The following DNAAF11 variants were observed in gnomAD, a reference collection of about 807,000 sequenced individuals.
DNAAF11 encodes the protein leucine rich repeat containing 6.
Under a neutral mutation model 60.8 loss-of-function variants are expected in DNAAF11, and 45 were observed. That is an observed-to-expected ratio of 0.74 (90% confidence interval 0.58 to 0.95). DNAAF11 has a LOEUF of 0.95. Ranked by LOEUF, DNAAF11 falls within the 40% of genes least tolerant of loss-of-function variation. The probability of loss-of-function intolerance (pLI) is 0.00; values close to 1 mark genes in which losing one functional copy is unlikely to be tolerated. For synonymous variants in DNAAF11, 191 were observed against 183.5 expected (o/e 1.04, Z -0.33); for missense variants, 546 against 546.2 (o/e 1.00, Z 0.00).
chr8:132,694,933 A>G, the DNAAF11 span, among the ~76,000 whole-genome samples: 1 of 152,210 alleles, frequency 6.6e-6, no homozygotes, highest in Non-Finnish European at 1.5e-5. Flanking sequence ...CATGTGGAAG[A>G]ATTACCAAAA....
intron 3 of DNAAF11, among the ~76,000 whole-genome samples, chr8:132,647,528 G>C (rs887588629): frequency 6.6e-6 from 1 of 152,138 alleles, no homozygotes; most frequent in African/African-American, 2.4e-5. Context: ...AGAACTGAAG[G>C]AGACAGAAAC....
intron 11 of DNAAF11, among the ~76,000 whole-genome samples, chr8:132,582,344 C>T (rs76804637): frequency 6.6e-6 from 1 of 152,176 alleles, no homozygotes; most frequent in African/African-American, 2.4e-5. Context: ...TATGAAGAAT[C>T]GTGCTAAGAC....
chr8:132,646,388 A>T (rs1175391169), intron 3 of DNAAF11, among the ~76,000 whole-genome samples: 1 of 152,224 alleles, frequency 6.6e-6, no homozygotes, highest in Admixed American at 6.5e-5. Context: ...AAACATGCCA[A>T]ATTTTAAAGA....
chr8:132,583,607 T>A, intron 11 of DNAAF11, 87 bp downstream of exon 11: 1 of 988,488 alleles, frequency 1.0e-6, no homozygotes, highest in Non-Finnish European at 1.6e-6. Context: ...TAAATAATTG[T>A]ACAATTTTGG....
intron 6 of DNAAF11, among the ~76,000 whole-genome samples, chr8:132,624,353 G>C (rs1357310415): frequency 1.3e-5 from 2 of 152,264 alleles, no homozygotes; most frequent in East Asian, 3.9e-4. Flanking sequence ...GAGGGTAATA[G>C]TGGAGTCAAG....
At chr8:132,609,318 T>C (rs1352778507) in intron 10 of DNAAF11, among the ~76,000 whole-genome samples, 1 of 151,434 alleles carries the variant, frequency 6.6e-6, no homozygotes, top group Non-Finnish European at 1.5e-5. Context: ...GTTATGTAAG[T>C]AGTTATTATA....
At chr8:132,669,940 C>CAAA (rs35402875) in intron 1 of DNAAF11, among the ~76,000 whole-genome samples, 70 of 69,672 alleles carry the variant, frequency 1.0e-3, no homozygotes, top group African/African-American at 1.2e-3. Flanking sequence ...GACTCCGTCT[C>CAAA]AAAAAAAAAA....
intron 10 of DNAAF11, among the ~76,000 whole-genome samples, chr8:132,607,631 T>C (rs1818259895): frequency 6.6e-6 from 1 of 152,200 alleles, no homozygotes; most frequent in African/African-American, 2.4e-5. Flanking sequence ...GTAACCACTG[T>C]TTTGTTCTCT....
At chr8:132,646,533 C>G (rs982165040) in intron 3 of DNAAF11, among the ~76,000 whole-genome samples, 1 of 152,182 alleles carries the variant, frequency 6.6e-6, no homozygotes, top group African/African-American at 2.4e-5. Flanking sequence ...TTAAAAGACA[C>G]AGACTGGCAA....
chr8:132,672,491 C>T (rs1248362802), intron 1 of DNAAF11, among the ~76,000 whole-genome samples: 2 of 152,170 alleles, frequency 1.3e-5, no homozygotes, highest in Non-Finnish European at 2.9e-5. Context: ...GACAATATAG[C>T]AAACATACAC....
At chr8:132,653,889 A>G (rs186570508) in intron 3 of DNAAF11, among the ~76,000 whole-genome samples, 2 of 152,280 alleles carry the variant, frequency 1.3e-5, no homozygotes, top group Admixed American at 1.3e-4. Flanking sequence ...CATTGCAGAT[A>G]ACAGACACAA....
the DNAAF11 span, among the ~76,000 whole-genome samples, chr8:132,688,739 A>T: frequency 4.6e-5 from 7 of 152,202 alleles, no homozygotes; most frequent in Non-Finnish European, 8.8e-5. Flanking sequence ...TGGTGTGCAC[A>T]TCTGGATCAA....
intron 10 of DNAAF11, among the ~76,000 whole-genome samples, chr8:132,602,122 G>C (rs542797428): frequency 1.3e-5 from 2 of 151,958 alleles, no homozygotes; most frequent in South Asian, 4.2e-4. Flanking sequence ...CTAATCTGCT[G>C]TTAAATCTAC....
the DNAAF11 span, among the ~76,000 whole-genome samples, chr8:132,691,094 T>G: frequency 2.7e-5 from 4 of 150,014 alleles, no homozygotes; most frequent in Non-Finnish European, 5.9e-5. Context: ...GCTGCACTCC[T>G]CAGTGTGTAG....
chr8:132,581,825 T>G (rs898921465), intron 11 of DNAAF11, among the ~76,000 whole-genome samples: 1 of 152,204 alleles, frequency 6.6e-6, no homozygotes, highest in Middle Eastern at 3.2e-3. Context: ...TTCTTGAAGA[T>G]GAAAGACAGA....
the DNAAF11 span, among the ~76,000 whole-genome samples, chr8:132,694,030 A>G: frequency 6.6e-6 from 1 of 152,346 alleles, no homozygotes; most frequent in African/African-American, 2.4e-5. Flanking sequence ...CTATGTTGAC[A>G]GTATGCTCTA....
At chr8:132,668,697 C>G (rs563171083) in intron 1 of DNAAF11, among the ~76,000 whole-genome samples, 40 of 152,240 alleles carry the variant, frequency 2.6e-4, no homozygotes, top group Admixed American at 4.6e-4. Flanking sequence ...CCCCCTCAGC[C>G]TCCCAAAGGG....
chr8:132,684,987 C>T, the DNAAF11 span: 1 of 151,236 alleles, frequency 6.6e-6, no homozygotes, highest in Non-Finnish European at 1.5e-5. Context: ...CAATGAAGAC[C>T]CTATTAATCC....
At chr8:132,643,131 T>C (rs1308028195) in intron 3 of DNAAF11, among the ~76,000 whole-genome samples, 6 of 152,162 alleles carry the variant, frequency 3.9e-5, no homozygotes, top group Non-Finnish European at 8.8e-5. Context: ...AAAACCCTCT[T>C]GGCCCACTGC....
Sources: allele counts gnomAD v4.1 joint callset (sites outside exome capture counted in the v4.1 genomes callset), GRCh38; gene constraint gnomAD v4.1.1; transcripts MANE v1.5; gene names NCBI Gene and HGNC (gene_info 2026-07-23, HGNC 2026-07-21).